The following PCBP3 variants were observed in gnomAD, a reference collection of about 807,000 sequenced individuals.
PCBP3 encodes poly(rC)-binding protein 3.
A neutral mutation model predicts 52.7 loss-of-function variants in PCBP3; 25 were observed. That is an observed-to-expected ratio of 0.47 (90% CI 0.35 to 0.66). The LOEUF is 0.66. Among genes scored for constraint, PCBP3 ranks in the 30% least tolerant of loss-of-function variants. PCBP3 has a pLI of 0.01. For missense variants in PCBP3, 391 were observed against 490.3 expected, an observed-to-expected ratio of 0.80 and a Z score of 1.91; for synonymous variants, 162 against 183.0, an observed-to-expected ratio of 0.89 and a Z score of 0.93.
intron 4 of PCBP3, among the ~76,000 whole-genome samples, chr21:45,784,758 C>T (rs553895839): frequency 1.3e-5 from 2 of 152,358 alleles, no homozygotes; most frequent in African/African-American, 4.8e-5. Flanking sequence ...CTCCTTCACT[C>T]AGTGCTCAAT....
At chr21:45,935,339 G>A (rs1275733222) in intron 16 of PCBP3, 34 bp downstream of exon 16, 15 of 1,529,936 alleles carry the variant, frequency 9.8e-6, no homozygotes, top group Non-Finnish European at 1.3e-5. Context: ...CTGTCCCTGG[G>A]TAGAAACACC....
At chr21:45,877,607 C>T (rs1035659290) in intron 5 of PCBP3, among the ~76,000 whole-genome samples, 1 of 152,088 alleles carries the variant, frequency 6.6e-6, no homozygotes, top group Admixed American at 6.5e-5. Context: ...AGTTTGAGAC[C>T]CGCCTGGCCA....
intron 4 of PCBP3, among the ~76,000 whole-genome samples, chr21:45,844,143 C>T (rs752536882): frequency 3.3e-5 from 5 of 152,018 alleles, no homozygotes; most frequent in Admixed American, 6.6e-5. Flanking sequence ...AGTCTGGTTG[C>T]GGACAAGGCC....
intron 4 of PCBP3, among the ~76,000 whole-genome samples, chr21:45,836,961 G>A (rs2093603641): frequency 1.3e-5 from 2 of 152,156 alleles, no homozygotes; most frequent in South Asian, 4.1e-4. Flanking sequence ...GGGTCATGCG[G>A]CTCGCTTGCC....
At chr21:45,682,076 G>C (rs1217877798) in intron 2 of PCBP3, among the ~76,000 whole-genome samples, 1 of 152,100 alleles carries the variant, frequency 6.6e-6, no homozygotes, top group Non-Finnish European at 1.5e-5. Context: ...AGAAACAATA[G>C]CTAAAAATTT....
At chr21:45,785,356 G>T (rs1011997742) in intron 4 of PCBP3, among the ~76,000 whole-genome samples, 3 of 145,242 alleles carry the variant, frequency 2.1e-5, no homozygotes, top group Non-Finnish European at 4.5e-5. Context: ...TCAGCCCCCC[G>T]CCCGGCCAGC....
chr21:45,860,354 G>A (rs1018138042), intron 5 of PCBP3, among the ~76,000 whole-genome samples: 1 of 152,218 alleles, frequency 6.6e-6, no homozygotes, highest in African/African-American at 2.4e-5. Flanking sequence ...ATTTTATTAC[G>A]TCGAAAGTTG....
chr21:45,653,772 G>A (rs1791166840), intron 1 of PCBP3, among the ~76,000 whole-genome samples: 2 of 151,874 alleles, frequency 1.3e-5, no homozygotes, highest in Admixed American at 1.3e-4. Context: ...TTATGTATTT[G>A]TCTTGTCCTA....
intron 4 of PCBP3, among the ~76,000 whole-genome samples, chr21:45,841,186 A>AT: frequency 6.6e-6 from 1 of 152,350 alleles, no homozygotes; most frequent in Non-Finnish European, 1.5e-5. Context: ...TATTCTCGTC[A>AT]TTAACGCAGG....
intron 4 of PCBP3, among the ~76,000 whole-genome samples, chr21:45,793,136 A>T (rs2091716900): frequency 6.6e-6 from 1 of 152,208 alleles, no homozygotes; most frequent in Non-Finnish European, 1.5e-5. Flanking sequence ...CAGAAAGAAG[A>T]CGTGGGGCCG....
At chr21:45,699,096 A>G (rs531692117) in intron 2 of PCBP3, among the ~76,000 whole-genome samples, 5 of 152,190 alleles carry the variant, frequency 3.3e-5, no homozygotes, top group Non-Finnish European at 5.9e-5. Flanking sequence ...CAACTCAAAC[A>G]TGGCTCACAA....
At chr21:45,797,450 G>A (rs1365594367) in intron 4 of PCBP3, among the ~76,000 whole-genome samples, 13 of 152,150 alleles carry the variant, frequency 8.5e-5, no homozygotes, top group Non-Finnish European at 1.0e-4. Flanking sequence ...GATCCACAGA[G>A]AGTGAATGCA....
At chr21:45,773,846 A>G (rs145096586) in intron 4 of PCBP3, among the ~76,000 whole-genome samples, 1 of 152,322 alleles carries the variant, frequency 6.6e-6, no homozygotes, top group Non-Finnish European at 1.5e-5. Flanking sequence ...TTTTAATGAT[A>G]TTAATTCTTC....
chr21:45,849,852 A>C (rs571202490), intron 4 of PCBP3, 109 bp from the exon 5 acceptor site: 12 of 555,764 alleles, frequency 2.2e-5, no homozygotes, highest in Non-Finnish European at 3.9e-5. Flanking sequence ...AATGCTGAAG[A>C]GGTGTTGACT....
In PCBP3 at chr21:45,679,106, T is replaced by A. The variant is rs1468291829; in HGVS notation, c.-200+10154T>A. ...TTTTTTTTTTTTTTTTTTTTAGCAA[T>A]AAACTATTTTTACTTTTTTCTTTGT... On this transcript the variant is annotated intron_variant, in intron 2 of 17. Transcript: ENST00000681687. Among the ~76,000 whole-genome samples, 3 of 134,540 alleles carry A rather than the reference T, an allele frequency of 2.2e-5. No homozygotes were observed. The East Asian group carries it at 6.6e-4, about 30-fold the overall frequency. 88.3% of individuals were successfully genotyped at this position (134,540 alleles called of 152,430 possible). A position where few individuals can be genotyped will look rare whatever the true frequency, so the allele number is the denominator to read the frequency against.
At chr21:45,899,727 C>T in intron 7 of PCBP3, 105 bp downstream of exon 7, 1 of 803,552 alleles carries the variant, frequency 1.2e-6, no homozygotes, top group Non-Finnish European at 2.1e-6. Context: ...TGCGCCTTTC[C>T]CAGTTGGTGG....
In PCBP3 at chr21:45,850,091, G is replaced by A. The variant is rs952418304; in HGVS notation, c.6G>A (p.Gly2=). 4.8e-5 allele frequency: 75 copies of A among 1,550,674 alleles called. No individual in the cohort carries two copies. The highest frequency in any genetic ancestry group is 6.5e-5 in the Non-Finnish European group (74 of 1,146,142). The change falls in exon 5 of 18, where the codon GGG becomes GGA. Residue 2 remains glycine (G), a synonymous_variant. Transcript: ENST00000681687. ...CTAAACCTTATAGCCTGCTTATGGG[G>A]GAAGGTGAGTTACTGTCTTTTGTTT... M[G]EGDAFWAPSV... is the part of the protein sequence containing the mutation.
chr21:45,784,427 T>TA (rs1569218191), intron 4 of PCBP3, among the ~76,000 whole-genome samples: 1 of 95,132 alleles, frequency 1.1e-5, no homozygotes, highest in African/African-American at 4.6e-5. Context: ...TACCCCTACC[T>TA]CCTACCTCCT....
intron 4 of PCBP3, among the ~76,000 whole-genome samples, chr21:45,811,960 G>C (rs2092697733): frequency 6.6e-6 from 1 of 151,982 alleles, no homozygotes. Context: ...ATATTTATCA[G>C]TTATTCCTTA....
Sources: allele counts gnomAD v4.1 joint callset (sites outside exome capture counted in the v4.1 genomes callset), GRCh38; gene constraint gnomAD v4.1.1; transcripts MANE v1.5; gene names NCBI Gene and HGNC (gene_info 2026-07-23, HGNC 2026-07-21).